PHIP: variants seen among roughly 807,000 people sequenced by gnomAD.
The protein encoded by PHIP is PHIP subunit of CUL4-Ring ligase complex, also known as PH-interacting protein.
Under a neutral mutation model 236.8 loss-of-function variants are expected in PHIP, and 54 were observed. The ratio of observed to expected loss-of-function variants is 0.23; its 90% CI spans 0.18 to 0.29. PHIP has a LOEUF of 0.29. Among genes scored for constraint, PHIP ranks in the 10% least tolerant of loss-of-function variants. The pLI is 1.00. For synonymous variants in PHIP, 756 were observed against 718.9 expected (o/e 1.05, Z -0.83); for missense variants, 1,370 against 2,190.8 (o/e 0.63, Z 7.48).
intron 15 of PHIP, among the ~76,000 whole-genome samples, chr6:79,012,840 G>T (rs1770659047): frequency 6.6e-6 from 1 of 151,456 alleles, no homozygotes; most frequent in Non-Finnish European, 1.5e-5. Flanking sequence ...AGAGCAAAAA[G>T]AATTAGGGCA....
intron 35 of PHIP, among the ~76,000 whole-genome samples, chr6:78,949,614 CA>C (rs1178608414): frequency 6.6e-6 from 1 of 152,110 alleles, no homozygotes; most frequent in African/African-American, 2.4e-5. Context: ...CCTACCCAAC[CA>C]AAACCTAGCA....
Position 79,026,891 on chromosome 6 carries a change from C to G in PHIP, c.601-727G>C, listed in dbSNP as rs1400806270. Among the ~76,000 whole-genome samples, 5 of 151,600 alleles carry G rather than the reference C, an allele frequency of 3.3e-5. No individual in the cohort carries two copies. The South Asian group carries it at 1.0e-3, about 32-fold the overall frequency. On this transcript the variant is annotated intron_variant, in intron 7 of 39. Coordinates refer to ENST00000275034, the MANE Select transcript of PHIP (RefSeq NM_017934.7). ...TATAAGAAAGTAGAAAGAATAGTAT[C>G]GTTAATCCCCATATATCTACTTCCC... is the stretch of plus-strand genomic sequence containing the variant.
At chr6:79,035,687 T>C (rs1245908246) in intron 7 of PHIP, among the ~76,000 whole-genome samples, 1 of 152,174 alleles carries the variant, frequency 6.6e-6, no homozygotes, top group African/African-American at 2.4e-5. Flanking sequence ...GCAGTAGAAA[T>C]GAATGCCAAA....
At position 78,985,371 on chromosome 6, in the gene PHIP, G is replaced by A; in HGVS notation, c.2518C>T (p.His840Tyr). Residue 840 changes from histidine to tyrosine, a missense_variant, in exon 22 of 40, where the codon CAC becomes TAC. By Grantham distance (83) the His-to-Tyr change is moderately conservative. Around this residue, in one of 14 missense-constraint regions of PHIP, gnomAD observed 99 missense variants for 110.0 expected, o/e 0.90. Transcript: ENST00000275034. ...GTSEEEERAWHSDGSSSDYSS... is the reference protein window; with the variant it reads ...GTSEEEERAWYSDGSSSDYSS... The stretch of plus-strand genomic sequence containing the variant: ...ATTTACCTAGAACTGCCATCACTGT[G>A]CCATGCTCTCTCTTCTTCTTCGGAT... The A allele has an allele frequency of 6.3e-7, 1 of 1,593,256 alleles. No individual in the cohort carries two copies. Among genetic ancestry groups the A allele is most frequent in the Non-Finnish European group, 8.6e-7 (1 of 1,161,160 alleles).
chr6:79,038,817 A>T (rs1427367148), intron 7 of PHIP, among the ~76,000 whole-genome samples: 1 of 152,170 alleles, frequency 6.6e-6, no homozygotes, highest in African/African-American at 2.4e-5. Flanking sequence ...GACTTTCCAC[A>T]TAGATATCTC....
Position 78,935,449 on chromosome 6 carries a change from C to T in PHIP, c.*5244G>A, listed in dbSNP as rs1562105251. ...TGCAATAACCTTCTTTCCATCATTC[C>T]TTTTTTCCCAGAAATTGCACATTTT... On this transcript the variant is annotated 3_prime_UTR_variant, in exon 40 of 40. Transcript: ENST00000275034. 1 of 950,140 alleles carries T rather than the reference C, an allele frequency of 1.1e-6. No individual in the cohort carries two copies. The highest frequency in any genetic ancestry group is 1.2e-4 in the East Asian group (1 of 8,638). 58.9% of individuals were successfully genotyped at this position (950,140 alleles called of 1,614,324 possible).
intron 24 of PHIP, among the ~76,000 whole-genome samples, chr6:78,975,128 A>G (rs963876134): frequency 1.3e-5 from 2 of 151,864 alleles, no homozygotes; most frequent in African/African-American, 4.8e-5. Flanking sequence ...TCCTCAATAA[A>G]ATACTGGCAA....
intron 24 of PHIP, among the ~76,000 whole-genome samples, chr6:78,977,875 T>G (rs930143900): frequency 1.3e-5 from 2 of 152,158 alleles, no homozygotes; most frequent in Admixed American, 1.3e-4. Flanking sequence ...TTTTTTTTCT[T>G]AAAGTGTCAA....
At chr6:79,046,366 T>C (rs1193856795) in intron 6 of PHIP, among the ~76,000 whole-genome samples, 1 of 152,198 alleles carries the variant, frequency 6.6e-6, no homozygotes, top group East Asian at 1.9e-4. Flanking sequence ...CCATCACCCA[T>C]AACTTCTGAT....
At chr6:78,989,920 T>C (rs896261702) in intron 20 of PHIP, among the ~76,000 whole-genome samples, 1 of 152,138 alleles carries the variant, frequency 6.6e-6, no homozygotes, top group African/African-American at 2.4e-5. Context: ...TCCTTTATTA[T>C]ACTAACAGGA....
Position 78,937,711 on chromosome 6 carries a change from T to C in PHIP, c.*2982A>G, listed in dbSNP as rs1242630704. 1 of 151,596 alleles carries C rather than the reference T, an allele frequency of 6.6e-6. No individual in the cohort carries two copies. Among genetic ancestry groups the C allele is most frequent in the East Asian group, 1.9e-4 (1 of 5,186 alleles). 9.4% of individuals were successfully genotyped at this position (151,596 alleles called of 1,614,324 possible). On this transcript the variant is annotated 3_prime_UTR_variant, in exon 40 of 40. Coordinates refer to ENST00000275034, the MANE Select transcript of PHIP (RefSeq NM_017934.7). ...TTTAGTTTATAATACATGCAGAAAA[T>C]AGTCCAATGCCACTATAGCAGGTCA...
chr6:79,060,588 A>G lies in PHIP; in HGVS notation c.341-12T>C, dbSNP rs764667549. The stretch of plus-strand genomic sequence containing the variant: ...AACATGCTTGCAGCCTATTAAACAC[A>G]TGTATTTTTATGCATACAAAGAACA... On this transcript the variant is annotated splice_polypyrimidine_tract_variant and intron_variant, in intron 5 of 39. Coordinates refer to ENST00000275034, the MANE Select transcript of PHIP (RefSeq NM_017934.7). The G allele has an allele frequency of 1.2e-6, 2 of 1,611,432 alleles. No individual in the cohort carries two copies. Among genetic ancestry groups the G allele is most frequent in the African/African-American group, 1.3e-5 (1 of 74,942 alleles).
chr6:79,035,659 T>C (rs1184203135), intron 7 of PHIP, among the ~76,000 whole-genome samples: 2 of 152,222 alleles, frequency 1.3e-5, no homozygotes, highest in Non-Finnish European at 2.9e-5. Context: ...ATCTCATCTC[T>C]TATTGCCATT....
chr6:78,965,852 G>T, intron 28 of PHIP, 88 bp from the exon 29 acceptor site: 2 of 1,174,704 alleles, frequency 1.7e-6, no homozygotes, highest in Non-Finnish European at 2.5e-6. Context: ...AATTGCTTCT[G>T]TGTTTAAAAG....
At chr6:79,043,989 T>C (rs539091459) in intron 6 of PHIP, among the ~76,000 whole-genome samples, 2 of 152,138 alleles carry the variant, frequency 1.3e-5, no homozygotes, top group South Asian at 4.2e-4. Flanking sequence ...TGATAAAACA[T>C]AAATATATTG....
intron 13 of PHIP, 136 bp from the exon 14 acceptor site, chr6:79,015,919 A>C: frequency 1.7e-6 from 1 of 601,864 alleles, no homozygotes; most frequent in South Asian, 2.4e-5. Context: ...AGTTTGAATC[A>C]ACATGGAATG....
chr6:79,000,564 G>A (rs1012681034), intron 17 of PHIP, among the ~76,000 whole-genome samples: 2 of 151,978 alleles, frequency 1.3e-5, no homozygotes, highest in African/African-American at 4.8e-5. Flanking sequence ...TAATAAATGA[G>A]TCTTTTCCTT....
chr6:79,051,577 T>C (rs1772799067), intron 6 of PHIP, among the ~76,000 whole-genome samples: 1 of 152,154 alleles, frequency 6.6e-6, no homozygotes, highest in East Asian at 1.9e-4. Flanking sequence ...ACATACTATG[T>C]TTTTAAAATT....
chr6:79,074,623 G>C (rs1417835736), intron 4 of PHIP, among the ~76,000 whole-genome samples: 1 of 151,992 alleles, frequency 6.6e-6, no homozygotes, highest in Non-Finnish European at 1.5e-5. Context: ...CATTTACTTT[G>C]TTAAAAATGT....
Sources: allele counts gnomAD v4.1 joint callset (sites outside exome capture counted in the v4.1 genomes callset), GRCh38; gene constraint gnomAD v4.1.1; regional missense constraint gnomAD v4.1.1; transcripts MANE v1.5; gene names NCBI Gene and HGNC (gene_info 2026-07-23, HGNC 2026-07-21).